Variants in CCDC93 observed in about 807,000 individuals in gnomAD.
The protein encoded by CCDC93 is coiled-coil domain-containing protein 93.
A neutral mutation model predicts 108.2 loss-of-function variants in CCDC93; 61 were observed. The observed-to-expected ratio is 0.56, with a 90% CI of 0.46 to 0.70. CCDC93 has a LOEUF of 0.70. Ranked by LOEUF, CCDC93 falls within the 30% of genes least tolerant of loss-of-function variation. The probability of loss-of-function intolerance (pLI) is 0.00; values close to 1 mark genes in which losing one functional copy is unlikely to be tolerated. For missense variants in CCDC93, 685 were observed against 764.2 expected (o/e 0.90, Z 1.22); for synonymous variants, 276 against 260.4 (o/e 1.06, Z -0.58).
At chr2:117,943,611 C>T (rs983919118) in intron 18 of CCDC93, among the ~76,000 whole-genome samples, 1 of 152,206 alleles carries the variant, frequency 6.6e-6, no homozygotes, top group Non-Finnish European at 1.5e-5. Context: ...TGAGCCAGAT[C>T]CCAGCAATGT....
chr2:117,958,021 C>T (rs1352507595), intron 12 of CCDC93, among the ~76,000 whole-genome samples: 1 of 152,106 alleles, frequency 6.6e-6, no homozygotes, highest in Admixed American at 6.5e-5. Flanking sequence ...CAGTAGTGCT[C>T]GGTAGATATT....
intron 1 of CCDC93, among the ~76,000 whole-genome samples, chr2:118,009,238 G>A (rs1263765480): frequency 6.6e-6 from 1 of 151,942 alleles, no homozygotes; most frequent in Non-Finnish European, 1.5e-5. Flanking sequence ...AGGTTTGGTG[G>A]CCCATGCTTG....
At position 117,917,136 on chromosome 2, in the gene CCDC93, G is replaced by A. The variant is rs1389733745; in HGVS notation, c.*3207C>T. 1 of 92,996 alleles carries A rather than the reference G, an allele frequency of 1.1e-5. No homozygotes were observed. The highest frequency in any genetic ancestry group is 5.2e-5 in the African/African-American group (1 of 19,328). The allele number at this position is 92,996 out of a possible 1,614,324, so 5.8% of individuals were successfully genotyped here. On this transcript the variant is annotated 3_prime_UTR_variant, in exon 24 of 24. Coordinates refer to ENST00000376300, the MANE Select transcript of CCDC93 (RefSeq NM_019044.5). ...CTGCTAGATACCTACCTCCCTTTTA[G>A]GGTGATCAGTCACCTACAGAGTGGG...
chr2:117,926,428 A>C (rs1375596412), intron 23 of CCDC93, among the ~76,000 whole-genome samples: 1 of 152,252 alleles, frequency 6.6e-6, no homozygotes, highest in Admixed American at 6.5e-5. Flanking sequence ...AAAAAATAAT[A>C]AAGGGGATAT....
At chr2:117,937,931 A>G (rs1678573680) in intron 20 of CCDC93, among the ~76,000 whole-genome samples, 1 of 152,244 alleles carries the variant, frequency 6.6e-6, no homozygotes, top group Non-Finnish European at 1.5e-5. Context: ...TTTGTCTGAC[A>G]GCAGGCAGTA....
chr2:117,922,876 C>T (rs951145319), intron 23 of CCDC93, among the ~76,000 whole-genome samples: 1 of 152,098 alleles, frequency 6.6e-6, no homozygotes, highest in Admixed American at 6.5e-5. Flanking sequence ...GAGTAGCAAG[C>T]AAGTCCCTAT....
chr2:117,932,704 C>T (rs906320175), intron 22 of CCDC93, among the ~76,000 whole-genome samples: 5 of 152,208 alleles, frequency 3.3e-5, no homozygotes, highest in Non-Finnish European at 5.9e-5. Flanking sequence ...AAGTCCTGAT[C>T]CCTGTCGATG....
At chr2:117,962,688 T>C (rs1325921139) in intron 11 of CCDC93, among the ~76,000 whole-genome samples, 2 of 152,162 alleles carry the variant, frequency 1.3e-5, no homozygotes, top group Non-Finnish European at 2.9e-5. Flanking sequence ...GAAATATTTA[T>C]TTAAAAATGT....
intron 12 of CCDC93, among the ~76,000 whole-genome samples, chr2:117,955,660 A>G (rs971311309): frequency 2.6e-5 from 4 of 152,174 alleles, no homozygotes; most frequent in Admixed American, 2.6e-4. Flanking sequence ...AAAGTGAGGA[A>G]AATAACAGTA....
intron 4 of CCDC93, 42 bp downstream of exon 4, chr2:118,000,779 T>C (rs1297002984): frequency 3.1e-6 from 4 of 1,301,334 alleles, no homozygotes; most frequent in Non-Finnish European, 4.5e-6. Context: ...ATCACAGGAA[T>C]TCTGATGTTA....
intron 3 of CCDC93, among the ~76,000 whole-genome samples, chr2:118,006,364 C>G (rs1676868845): frequency 6.6e-6 from 1 of 152,184 alleles, no homozygotes; most frequent in African/African-American, 2.4e-5. Context: ...AGGGTATGCT[C>G]AGGTGAGATC....
chr2:117,967,058 T>C (rs1212375677), intron 11 of CCDC93, among the ~76,000 whole-genome samples: 1 of 152,184 alleles, frequency 6.6e-6, no homozygotes, highest in African/African-American at 2.4e-5. Flanking sequence ...AGTGGCGCGA[T>C]CTCAGCTCAC....
rs201626523 is a variant in CCDC93 at position 117,918,174 on chromosome 2, C to A, written c.*2169G>T. The A allele has an allele frequency of 1.3e-5, 2 of 152,130 alleles. No individual in the cohort carries two copies. Among genetic ancestry groups the A allele is most frequent in the East Asian group, 3.8e-4 (2 of 5,196 alleles). 9.4% of individuals were successfully genotyped at this position (152,130 alleles called of 1,614,324 possible). ...GCTTCACCAAAAAGTCATGTAACAT[C>A]CTAATTACTCAGAAAGGCACTGTCC... is the stretch of plus-strand genomic sequence containing the variant. On this transcript the variant is annotated 3_prime_UTR_variant, in exon 24 of 24. Transcript: ENST00000376300.
chr2:117,954,011 T>C (rs1005327696), intron 12 of CCDC93, among the ~76,000 whole-genome samples: 1 of 152,194 alleles, frequency 6.6e-6, no homozygotes, highest in Non-Finnish European at 1.5e-5. Context: ...GGTGCCTCGA[T>C]CTTGGACTTC....
At chr2:117,924,597 T>C (rs1016258340) in intron 23 of CCDC93, among the ~76,000 whole-genome samples, 2 of 152,094 alleles carry the variant, frequency 1.3e-5, no homozygotes, top group African/African-American at 4.8e-5. Flanking sequence ...TAAAAAGAAA[T>C]GACCAAAGTC....
chr2:117,998,135 G>T (rs1356831993), intron 4 of CCDC93: 1 of 152,178 alleles, frequency 6.6e-6, no homozygotes, highest in Non-Finnish European at 1.5e-5. Flanking sequence ...AGGAGAAAAA[G>T]ATATGATCTA....
intron 3 of CCDC93, among the ~76,000 whole-genome samples, chr2:118,003,831 G>A (rs997488529): frequency 5.3e-5 from 8 of 152,180 alleles, no homozygotes; most frequent in Non-Finnish European, 7.4e-5. Flanking sequence ...CAGGCAGGCT[G>A]GGGGTAGGGA....
chr2:117,929,459 G>A (rs2104711283), intron 23 of CCDC93, among the ~76,000 whole-genome samples: 1 of 152,260 alleles, frequency 6.6e-6, no homozygotes, highest in South Asian at 2.1e-4. Flanking sequence ...ACCTCTGAAG[G>A]AACTGGTGCC....
In CCDC93 at chr2:117,948,188, T is replaced by G; in HGVS notation, c.1143-2A>C. On this transcript the variant is annotated splice_acceptor_variant, in intron 14 of 23. Coordinates refer to ENST00000376300, the MANE Select transcript of CCDC93 (RefSeq NM_019044.5). LOFTEE classifies it high-confidence loss of function. The stretch of plus-strand genomic sequence containing the variant: ...AGTGCTCTCAGGTTCTGTAGGATAC[T>G]GAAGAGAAAAGACAAAAAAATGACA... 1 of 1,610,166 alleles carries G rather than the reference T, an allele frequency of 6.2e-7. No individual in the cohort carries two copies. The highest frequency in any genetic ancestry group is 8.5e-7 in the Non-Finnish European group (1 of 1,177,544).
Sources: allele counts gnomAD v4.1 joint callset (sites outside exome capture counted in the v4.1 genomes callset), GRCh38; gene constraint gnomAD v4.1.1; transcripts MANE v1.5; gene names NCBI Gene and HGNC (gene_info 2026-07-23, HGNC 2026-07-21).